Variants in TTLL4 observed in about 807,000 individuals in gnomAD.
TTLL4 encodes the protein tubulin tyrosine ligase like 4, also known as tubulin monoglutamylase TTLL4.
A neutral mutation model predicts 122.7 loss-of-function variants in TTLL4; 85 were observed. The ratio of observed to expected loss-of-function variants is 0.69; its 90% confidence interval spans 0.58 to 0.83. The LOEUF is 0.83. Among genes scored for constraint, TTLL4 ranks in the 40% least tolerant of loss-of-function variants. TTLL4 has a pLI of 0.00. For synonymous variants in TTLL4, 553 were observed against 563.0 expected, an observed-to-expected ratio of 0.98 and a Z score of 0.25; for missense variants, 1,363 against 1,488.6, an observed-to-expected ratio of 0.92 and a Z score of 1.39.
Position 218,738,702 on chromosome 2 carries a change from A to G in TTLL4, c.1026A>G (p.Lys342=), listed in dbSNP as rs1390044226. Residue 342 remains lysine (K), a synonymous_variant, in exon 3 of 20, where the codon AAA becomes AAG. Transcript: ENST00000392102. ...KEIRFTEAVR[K]LTARGFEKMP... is the part of the protein sequence containing the mutation. ...TTCGGTTCACTGAGGCCGTGAGGAA[A>G]TTGACCGCAAGAGGCTTTGAGAAGA... is the stretch of plus-strand genomic sequence containing the variant. 6.2e-7 allele frequency: 1 copy of G among 1,614,230 alleles called. No homozygotes were observed. Among genetic ancestry groups the G allele is most frequent in the South Asian group, 1.1e-5 (1 of 91,086 alleles).
downstream of TTLL4, among the ~76,000 whole-genome samples, chr2:218,755,747 C>T (rs1485270836): frequency 6.6e-6 from 1 of 152,164 alleles, no homozygotes; most frequent in African/African-American, 2.4e-5. Context: ...TTGGTCTCAC[C>T]CTGGACTGTA....
intron 12 of TTLL4, 86 bp from the exon 13 acceptor site, chr2:218,748,750 C>T: frequency 2.6e-6 from 3 of 1,162,460 alleles, no homozygotes; most frequent in Non-Finnish European, 2.5e-6. Context: ...GAAGAAAATA[C>T]CATTAGGTCT....
At chr2:218,741,719 G>A (rs1456781283) in intron 5 of TTLL4, among the ~76,000 whole-genome samples, 1 of 152,126 alleles carries the variant, frequency 6.6e-6, no homozygotes, top group East Asian at 1.9e-4. Flanking sequence ...TATTGATTAA[G>A]TACCTCCACT....
intron 2 of TTLL4, among the ~76,000 whole-genome samples, chr2:218,727,766 A>AC (rs1195464938): frequency 6.6e-6 from 1 of 151,990 alleles, no homozygotes; most frequent in Non-Finnish European, 1.5e-5. Flanking sequence ...AAACAAAAAA[A>AC]CCCTGCTATT....
At position 218,751,897 on chromosome 2, in the gene TTLL4, TTC is replaced by T. The variant is rs10694172; in HGVS notation, c.2976+93_2976+94del. On this transcript the variant is annotated intron_variant, in intron 16 of 19. Transcript: ENST00000392102. ...AAGCAAACAGCTTTTCTTTTTTTTT[TTC>T]TTTTCTTTTTCTTTTTTTTTTTTTT... The T allele has an allele frequency of 3.5e-3, 2,567 of 728,620 alleles. 7 individuals are homozygous for T. The highest frequency in any genetic ancestry group is 9.4e-3 in the Middle Eastern group (34 of 3,604). 45.1% of individuals were successfully genotyped at this position (728,620 alleles called of 1,614,324 possible).
chr2:218,741,047 T>C (rs1204159847), intron 5 of TTLL4, among the ~76,000 whole-genome samples: 3 of 151,976 alleles, frequency 2.0e-5, no homozygotes, highest in Non-Finnish European at 4.4e-5. Flanking sequence ...CACTCCAGCC[T>C]GGGTGATGGA....
chr2:218,731,854 T>C (rs995228802), intron 2 of TTLL4, among the ~76,000 whole-genome samples: 1 of 152,146 alleles, frequency 6.6e-6, no homozygotes. Flanking sequence ...AGGACCTAGA[T>C]TGAGGAATTT....
At chr2:218,717,801 CTTTT>C (rs923415185) in intron 1 of TTLL4, among the ~76,000 whole-genome samples, 1 of 144,296 alleles carries the variant, frequency 6.9e-6, no homozygotes, top group African/African-American at 2.5e-5. Flanking sequence ...CTATCTTCTT[CTTTT>C]TTTTTTTTTT....
rs760817664 is a variant in TTLL4, at chr2:218,712,204, TAGAA to T, written c.-178+1171_-178+1174del. 1.2e-4 allele frequency among the ~76,000 whole-genome samples: 19 copies of T among 152,140 alleles called. No homozygotes were observed. In the East Asian group the frequency reaches 1.4e-3, roughly 11 times the overall value. On this transcript the variant is annotated intron_variant, in intron 1 of 19. Coordinates refer to ENST00000392102, the MANE Select transcript of TTLL4 (RefSeq NM_014640.5). ...TTGGAGGGAGCCATCCAGTAACAAA[TAGAA>T]AGAGTGAAGTTAATAGGGGTTAGAT...
At chr2:218,736,114 A>G (rs1029628956) in intron 2 of TTLL4, among the ~76,000 whole-genome samples, 1 of 151,150 alleles carries the variant, frequency 6.6e-6, no homozygotes, top group African/African-American at 2.5e-5. Flanking sequence ...AGCTGGGACC[A>G]CAGGCATGCG....
At position 218,739,079 on chromosome 2, in the gene TTLL4, G is replaced by T. The variant is rs761668602; in HGVS notation, c.1403G>T (p.Arg468Leu). ...QTLGIANVAT[R>L]LSSIQLGQSE... ...CTTGGCATAGCCAACGTGGCCACCC[G>T]CCTCTCTTCCATCCAGCTGGGCCAG... The change falls in exon 3 of 20, where the codon CGC becomes CTC. Residue 468 changes from arginine (R) to leucine (L), a missense_variant. Physicochemically the swap from Arg to Leu is moderately radical, Grantham distance 102 (BLOSUM62 -2). Coordinates refer to ENST00000392102, the MANE Select transcript of TTLL4 (RefSeq NM_014640.5). 1.2e-6 allele frequency: 2 copies of T among 1,614,088 alleles called. No homozygotes were observed. The highest frequency in any genetic ancestry group is 2.7e-5 in the African/African-American group (2 of 75,038).
At position 218,754,736 on chromosome 2, in the gene TTLL4, T is replaced by C. The variant is rs1459812265; in HGVS notation, c.*347T>C. On this transcript the variant is annotated 3_prime_UTR_variant, in exon 20 of 20. Transcript: ENST00000392102. ...TGTCTGGGGGCCCTGGTGTGGTTGCTGAGTTGTAGCTCAAGAGGAGAAAAC... is the reference window on the plus strand; with the variant it reads ...TGTCTGGGGGCCCTGGTGTGGTTGCCGAGTTGTAGCTCAAGAGGAGAAAAC... The C allele has an allele frequency of 9.2e-6, 3 of 327,382 alleles. No individual in the cohort carries two copies. Among genetic ancestry groups the C allele is most frequent in the South Asian group, 9.4e-5 (2 of 21,174 alleles). The allele number at this position is 327,382 out of a possible 1,614,324, so 20.3% of individuals were successfully genotyped here. A position where few individuals can be genotyped will look rare whatever the true frequency, so the allele number is the denominator to read the frequency against.
At position 218,747,661 on chromosome 2, in the gene TTLL4, A is replaced by G; in HGVS notation, c.2314A>G (p.Thr772Ala). The change falls in exon 11 of 20, where the codon ACT becomes GCT. Residue 772 changes from threonine (T) to alanine (A), a missense_variant. Thr to Ala is a moderately conservative substitution (Grantham distance 58). This residue lies in a region of TTLL4 where 596 missense variants were observed against 655.8 expected (regional missense o/e 0.91). Transcript: ENST00000392102. The surrounding 1 kb of genome is among the most constrained non-coding windows in gnomAD (Gnocchi z 4.7). Reference protein sequence around the residue: ...KFDLRIYVYVTSYDPLRIYLF... With the variant: ...KFDLRIYVYVASYDPLRIYLF... ...TGACCTGCGGATCTATGTTTATGTC[A>G]CTTCCTACGATCCTCTGCGGATTTA... is the stretch of plus-strand genomic sequence containing the variant. 1 of 1,614,136 alleles carries G rather than the reference A, an allele frequency of 6.2e-7. No individual in the cohort carries two copies. Among genetic ancestry groups the G allele is most frequent in the Non-Finnish European group, 8.5e-7 (1 of 1,180,018 alleles).
rs1943121189 is a variant in TTLL4 at position 218,754,888 on chromosome 2, C to T, written c.*499C>T. The T allele has an allele frequency of 6.3e-6, 1 of 159,076 alleles. No homozygotes were observed. The highest frequency in any genetic ancestry group is 6.0e-5 in the Admixed American group (1 of 16,742). 9.9% of individuals were successfully genotyped at this position (159,076 alleles called of 1,614,324 possible). A position where few individuals can be genotyped will look rare whatever the true frequency, so the allele number is the denominator to read the frequency against. ...GTCCTGAGGAGAAACCCTTGAACTT[C>T]CTCAGTAGACAGGCGGAGAGGCCAC... On this transcript the variant is annotated 3_prime_UTR_variant, in exon 20 of 20. Coordinates refer to ENST00000392102, the MANE Select transcript of TTLL4 (RefSeq NM_014640.5).
chr2:218,735,877 G>T (rs142161398), intron 2 of TTLL4, among the ~76,000 whole-genome samples: 3 of 151,604 alleles, frequency 2.0e-5, no homozygotes, highest in Non-Finnish European at 4.4e-5. Context: ...CACCATGCTG[G>T]CCAGGCTGGT....
rs1469666980 is a variant in TTLL4 at position 218,747,084 on chromosome 2, G to A, written c.2056G>A (p.Gly686Ser). The A allele has an allele frequency of 6.2e-7, 1 of 1,614,216 alleles. No individual in the cohort carries two copies. The highest frequency in any genetic ancestry group is 2.2e-5 in the East Asian group (1 of 44,888). Residue 686 changes from glycine (G) to serine (S), a missense_variant, in exon 9 of 20, where the codon GGC (glycine) becomes AGC (serine). Coordinates refer to ENST00000392102, the MANE Select transcript of TTLL4 (RefSeq NM_014640.5). This position sits in a 1 kb window ranked among gnomAD's most constrained non-coding sequence, Gnocchi z 4.7. The stretch of plus-strand genomic sequence containing the variant: ...CCTGTCACGTATGCAGAGCCGCTTT[G>A]GCAAGAAGGAGTTCAGTTTCTTCCC... The part of the protein sequence containing the change: ...RNLSRMQSRF[G>S]KKEFSFFPQS...
Position 218,753,579 on chromosome 2 carries a change from C to G in TTLL4, c.3259-5C>G. The G allele has an allele frequency of 3.1e-6, 5 of 1,614,088 alleles. No homozygotes were observed. The highest frequency in any genetic ancestry group is 4.2e-6 in the Non-Finnish European group (5 of 1,179,988). On this transcript the variant is annotated splice_region_variant and splice_polypyrimidine_tract_variant and intron_variant, in intron 18 of 19. Coordinates refer to ENST00000392102, the MANE Select transcript of TTLL4 (RefSeq NM_014640.5). Reference sequence around the variant, plus strand: ...TTTTGGTCTCATTGCTTCCTTTGCTCTTAGTGGTCTCTCCCGACATCACTT... The same window carrying G: ...TTTTGGTCTCATTGCTTCCTTTGCTGTTAGTGGTCTCTCCCGACATCACTT...
In TTLL4 at chr2:218,752,939, A is replaced by G. The variant is rs115471539; in HGVS notation, c.3153A>G (p.Gln1051=). Residue 1051 remains glutamine (Q), a synonymous_variant, in exon 17 of 20, where the codon CAA becomes CAG. Coordinates refer to ENST00000392102, the MANE Select transcript of TTLL4 (RefSeq NM_014640.5). ...GATATTTCAACATTCTCACCACCCA[A>G]TGGGAACAGAAATACCATGGCAACA... ...QPRYFNILTT[Q]WEQKYHGNKL... The G allele has an allele frequency of 5.5e-5, 88 of 1,614,112 alleles. No homozygotes were observed. The highest frequency in any genetic ancestry group is 3.3e-4 in the Middle Eastern group (2 of 6,062).
intron 1 of TTLL4, among the ~76,000 whole-genome samples, chr2:218,725,762 G>A (rs1002356395): frequency 3.3e-5 from 5 of 151,458 alleles, no homozygotes; most frequent in Non-Finnish European, 5.9e-5. Context: ...CACCGTGTTG[G>A]CCAGGCTGGT....
Sources: gnomAD v4.1 joint callset for allele counts (sites outside exome capture counted in the v4.1 genomes callset) on GRCh38, gnomAD v4.1.1 for gene constraint, gnomAD v4.1.1 regional missense constraint, Gnocchi (gnomAD v3.1) non-coding constraint, MANE v1.5 for transcripts, NCBI Gene and HGNC (gene_info 2026-07-23, HGNC 2026-07-21) for gene names.